The following TMEM63C variants were observed in gnomAD, a reference collection of about 807,000 sequenced individuals.
TMEM63C encodes the protein osmosensitive cation channel TMEM63C.
TMEM63C carries 32 observed loss-of-function variants against 99.2 expected under a neutral mutation model. The observed-to-expected ratio is 0.32, with a 90% CI of 0.24 to 0.43. The LOEUF is 0.43. Among genes scored for constraint, TMEM63C ranks in the 20% least tolerant of loss-of-function variants. The pLI is 1.00. For missense variants in TMEM63C, 826 were observed against 1,053.0 expected (o/e 0.78, Z 2.98); for synonymous variants, 376 against 397.9 (o/e 0.94, Z 0.66).
At chr14:77,232,628 C>T (rs411965) in intron 7 of TMEM63C, among the ~76,000 whole-genome samples, 9,810 of 152,276 alleles carry the variant, frequency 0.064, 409 homozygotes, top group Admixed American at 0.1. Context: ...AAATCAGTCT[C>T]CCGAGCTTTA....
chr14:77,230,745 G>C (rs1888924558), intron 6 of TMEM63C, among the ~76,000 whole-genome samples: 1 of 151,994 alleles, frequency 6.6e-6, no homozygotes, highest in African/African-American at 2.4e-5. Flanking sequence ...CCCACACCCA[G>C]GTCCATGGAA....
rs141173052 is a variant in TMEM63C, at chr14:77,249,163, C to T, written c.1871-128C>T. On this transcript the variant is annotated intron_variant, in intron 20 of 23. Transcript: ENST00000298351. ...GGAGGTCAGTACCACGGAGCTCCCCCAACCCATCCTTGGTTGTTGTGACTC... is the reference window on the plus strand; with the variant it reads ...GGAGGTCAGTACCACGGAGCTCCCCTAACCCATCCTTGGTTGTTGTGACTC... The T allele has an allele frequency of 2.4e-4, 240 of 1,019,952 alleles. 1 individual carries two copies. The African/African-American group carries it at 3.2e-3, about 13-fold the overall frequency. 63.2% of individuals were successfully genotyped at this position (1,019,952 alleles called of 1,614,324 possible).
chr14:77,214,648 C>T (rs1327563379), intron 2 of TMEM63C, among the ~76,000 whole-genome samples: 1 of 151,826 alleles, frequency 6.6e-6, no homozygotes, highest in Non-Finnish European at 1.5e-5. Flanking sequence ...GTCCCCCAGG[C>T]CACTCTCCCC....
chr14:77,225,854 G>A (rs912459935), intron 6 of TMEM63C, among the ~76,000 whole-genome samples: 18 of 151,962 alleles, frequency 1.2e-4, no homozygotes, highest in Non-Finnish European at 1.5e-5. Context: ...GCAAACATCG[G>A]GCAGAAGGGC....
chr14:77,193,618 T>C lies in TMEM63C; in HGVS notation c.-77+11724T>C, dbSNP rs917112268. 7.9e-5 allele frequency among the ~76,000 whole-genome samples: 12 copies of C among 152,218 alleles called. 1 individual carries two copies. In the East Asian group the frequency reaches 2.3e-3, roughly 29 times the overall value. ...GGGAGGTCGAGGCGGGCGGATCACC[T>C]GAGGTTGGGAGTTTGAGAGCAGCCT... On this transcript the variant is annotated intron_variant, in intron 1 of 23. Coordinates refer to ENST00000298351, the MANE Select transcript of TMEM63C (RefSeq NM_020431.4).
intron 23 of TMEM63C, among the ~76,000 whole-genome samples, chr14:77,255,852 G>A (rs1339063556): frequency 3.3e-5 from 5 of 152,188 alleles, no homozygotes; most frequent in East Asian, 1.9e-4. Context: ...TAGGAAAACC[G>A]TTCCTTCAAC....
intron 22 of TMEM63C, 136 bp downstream of exon 22, chr14:77,252,034 G>A (rs1053776941): frequency 7.9e-6 from 6 of 762,622 alleles, no homozygotes; most frequent in African/African-American, 1.7e-5. Context: ...TGTAGAGCGT[G>A]GAGCCCAGTG....
At chr14:77,186,244 C>T (rs905735) in intron 1 of TMEM63C, among the ~76,000 whole-genome samples, 8,893 of 152,142 alleles carry the variant, frequency 0.058, 348 homozygotes, top group Admixed American at 0.095. Context: ...AACTCCTGAC[C>T]TCAGGTGATC....
intron 5 of TMEM63C, among the ~76,000 whole-genome samples, chr14:77,221,664 C>T (rs191588562): frequency 8.4e-6 from 1 of 119,548 alleles, no homozygotes; most frequent in East Asian, 2.4e-4. Flanking sequence ...CTCCCACCCA[C>T]GCCTCCTCTC....
At chr14:77,203,255 G>A (rs1359974515) in intron 1 of TMEM63C, among the ~76,000 whole-genome samples, 1 of 148,630 alleles carries the variant, frequency 6.7e-6, no homozygotes, top group Non-Finnish European at 1.5e-5. Flanking sequence ...GGTGGTGGGC[G>A]CCTGTAGTCC....
intron 15 of TMEM63C, among the ~76,000 whole-genome samples, chr14:77,243,901 A>C (rs1215850405): frequency 6.6e-6 from 1 of 151,830 alleles, no homozygotes; most frequent in African/African-American, 2.4e-5. Flanking sequence ...CACACACACA[A>C]GTCAAGCCAC....
rs555848397 is a variant in TMEM63C at position 77,240,552 on chromosome 14, G to A, written c.1008G>A (p.Pro336=). ...DEFNAELNRV[P]LKRLDLIFVT... ...TCAACGCCGAGCTCAACCGCGTGCCGCTCAAGCGGCTGGACCTGATCTTTG... is the reference window on the plus strand; with the variant it reads ...TCAACGCCGAGCTCAACCGCGTGCCACTCAAGCGGCTGGACCTGATCTTTG... Residue 336 remains proline, a synonymous_variant, in exon 13 of 24, where the codon CCG becomes CCA. Transcript: ENST00000298351. The A allele has an allele frequency of 1.9e-5, 31 of 1,611,600 alleles. 1 individual carries two copies. The South Asian group carries it at 2.1e-4, about 11-fold the overall frequency.
chr14:77,229,613 AATAT>A (rs149146698), intron 6 of TMEM63C, among the ~76,000 whole-genome samples: 4 of 117,926 alleles, frequency 3.4e-5, no homozygotes, highest in Admixed American at 8.8e-5. Flanking sequence ...ACACCCAGCT[AATAT>A]ATATATATAT....
At position 77,256,762 on chromosome 14, in the gene TMEM63C, G is replaced by T; in HGVS notation, c.*36G>T. On this transcript the variant is annotated 3_prime_UTR_variant, in exon 24 of 24. Transcript: ENST00000298351. ...AGGCCTCCACTGGCGACTTGTTGAGGGGTCAGGGGAGGGCCTGGCAAGGGG... is the reference window on the plus strand; with the variant it reads ...AGGCCTCCACTGGCGACTTGTTGAGTGGTCAGGGGAGGGCCTGGCAAGGGG... 6.2e-7 allele frequency: 1 copy of T among 1,601,876 alleles called. No homozygotes were observed.
intron 12 of TMEM63C, among the ~76,000 whole-genome samples, chr14:77,240,248 C>T (rs1024656640): frequency 6.6e-6 from 1 of 152,214 alleles, no homozygotes; most frequent in Admixed American, 6.5e-5. Flanking sequence ...CCCCGGGTAC[C>T]CCTAGCTATG....
chr14:77,225,140 C>T (rs542247242), intron 5 of TMEM63C, among the ~76,000 whole-genome samples: 15 of 152,230 alleles, frequency 9.9e-5, no homozygotes, highest in African/African-American at 3.1e-4. Context: ...GAGCAACAGA[C>T]GTTCACCCCA....
At position 77,242,352 on chromosome 14, in the gene TMEM63C, G is replaced by GTAA; in HGVS notation, c.1071_1073dup (p.Arg357_Lys358insAsn). The GTAA allele has an allele frequency of 6.2e-7, 1 of 1,602,772 alleles. No homozygotes were observed. The highest frequency in any genetic ancestry group is 1.4e-5 in the African/African-American group (1 of 73,010). ...CTCTTCTCCCCTCTCTGCAGTGTCC[G>GTAA]TAAGGATTACAAGTATGTCCAGTGT... On this transcript the variant is annotated inframe_insertion, in exon 14 of 24. Coordinates refer to ENST00000298351, the MANE Select transcript of TMEM63C (RefSeq NM_020431.4).
At chr14:77,185,595 G>A (rs1887981789) in intron 1 of TMEM63C, among the ~76,000 whole-genome samples, 1 of 152,196 alleles carries the variant, frequency 6.6e-6, no homozygotes, top group Non-Finnish European at 1.5e-5. Flanking sequence ...TGGGTGTTGA[G>A]GACTCATTGC....
chr14:77,232,707 G>A (rs556962610), intron 7 of TMEM63C, among the ~76,000 whole-genome samples: 1 of 152,336 alleles, frequency 6.6e-6, no homozygotes, highest in African/African-American at 2.4e-5. Context: ...GATATACATA[G>A]TAGGTGCTCA....
Sources: allele counts gnomAD v4.1 joint callset (sites outside exome capture counted in the v4.1 genomes callset), GRCh38; gene constraint gnomAD v4.1.1; transcripts MANE v1.5; gene names NCBI Gene and HGNC (gene_info 2026-07-23, HGNC 2026-07-21).